The following ZNF667 variants were observed in gnomAD, a reference collection of about 807,000 sequenced individuals.
ZNF667 encodes the protein zinc finger protein 667, also known as myocardial ischemic preconditioning upregulated 1 ortholog.
Under a neutral mutation model 31.8 loss-of-function variants are expected in ZNF667, and 13 were observed. The observed-to-expected ratio is 0.41, with a 90% confidence interval of 0.27 to 0.65. ZNF667 has a LOEUF of 0.65. ZNF667 is among the 30% of genes least tolerant of loss of function. ZNF667 has a pLI of 0.32. For missense variants in ZNF667, 642 were observed against 725.6 expected (o/e 0.88, Z 1.32); for synonymous variants, 228 against 247.1 (o/e 0.92, Z 0.73).
Position 56,442,366 on chromosome 19 carries a change from T to C in ZNF667, c.629A>G (p.Asn210Ser), listed in dbSNP as rs766386271. Residue 210 changes from asparagine (N) to serine (S), a missense_variant, in exon 7 of 7, where the codon AAT (asparagine) becomes AGT (serine). By Grantham distance (46) the Asn-to-Ser change is conservative (BLOSUM62 1). Transcript: ENST00000504904. Reference sequence around the variant, plus strand: ...ATGTAGAATAAGGGTTGTTCTTTGATTGAAGCTTTCCCCACATTTATTGCA... The same window carrying C: ...ATGTAGAATAAGGGTTGTTCTTTGACTGAAGCTTTCCCCACATTTATTGCA... Reference protein sequence around the residue: ...HECNKCGESFNQRTTLILHMR... With the variant: ...HECNKCGESFSQRTTLILHMR... 3 of 1,614,098 alleles carry C rather than the reference T, an allele frequency of 1.9e-6. No homozygotes were observed. The highest frequency in any genetic ancestry group is 2.2e-5 in the South Asian group (2 of 91,076).
intron 3 of ZNF667, chr19:56,468,906 G>T (rs2043224405): frequency 6.6e-6 from 1 of 152,240 alleles, no homozygotes; most frequent in Non-Finnish European, 1.5e-5. Context: ...AGCACCTGCT[G>T]CCATGGCTTC....
chr19:56,460,693 C>T lies in ZNF667; in HGVS notation c.156G>A (p.Ser52=), dbSNP rs201925775. Residue 52 remains serine (S), a synonymous_variant, in exon 5 of 7, where the codon TCG becomes TCA. Transcript: ENST00000504904. ...VMLENYRNLV[S]LGLSFRRPNV... ...GTGGGGGACGAAGAGCCTTACCAAG[C>T]GAGACCAGGTTCCGGTAATTCTCCA... is the stretch of plus-strand genomic sequence containing the variant. 3.8e-4 allele frequency: 615 copies of T among 1,611,130 alleles called. 1 individual carries two copies. The highest frequency in any genetic ancestry group is 1.4e-3 in the East Asian group (64 of 44,662).
intron 6 of ZNF667, among the ~76,000 whole-genome samples, chr19:56,451,982 A>G (rs192310045): frequency 6.6e-6 from 1 of 152,068 alleles, no homozygotes; most frequent in Admixed American, 6.5e-5. Flanking sequence ...GAACTTTGGA[A>G]AGTATACCAA....
chr19:56,444,535 C>T (rs2042685532), intron 6 of ZNF667, among the ~76,000 whole-genome samples: 1 of 148,328 alleles, frequency 6.7e-6, no homozygotes, highest in Non-Finnish European at 1.5e-5. Context: ...AGAAATCCAC[C>T]CCCATGATCC....
At chr19:56,468,665 AT>A (rs1568453928) in intron 3 of ZNF667, 1 of 152,222 alleles carries the variant, frequency 6.6e-6, no homozygotes, top group Non-Finnish European at 1.5e-5. Flanking sequence ...TGTCTCCGAT[AT>A]TTTGGGTTCA....
chr19:56,464,976 T>C (rs944222400), intron 3 of ZNF667, among the ~76,000 whole-genome samples: 5 of 152,222 alleles, frequency 3.3e-5, no homozygotes, highest in African/African-American at 4.8e-5. Context: ...TCCCTTACTG[T>C]GGAAAGCTTG....
At chr19:56,465,269 T>C (rs1243755904) in intron 3 of ZNF667, among the ~76,000 whole-genome samples, 1 of 152,192 alleles carries the variant, frequency 6.6e-6, no homozygotes, top group Non-Finnish European at 1.5e-5. Context: ...CAGATGTTTG[T>C]TTCGTCCCCG....
intron 1 of ZNF667, among the ~76,000 whole-genome samples, chr19:56,476,442 A>T (rs2147864476): frequency 6.6e-6 from 1 of 152,172 alleles, no homozygotes; most frequent in Non-Finnish European, 1.5e-5. Context: ...ATTCACCACT[A>T]CCTCTGCCTC....
rs140014874 is a variant in ZNF667 at position 56,463,453 on chromosome 19, A to T, written c.-59-1024T>A. On this transcript the variant is annotated intron_variant, in intron 3 of 6. Coordinates refer to ENST00000504904, the MANE Select transcript of ZNF667 (RefSeq NM_001321356.2). The stretch of plus-strand genomic sequence containing the variant: ...TATCAGTCTATACCTATGCTGTCCA[A>T]TGTGAATGCCACTAGCCACATATGA... Among the ~76,000 whole-genome samples the T allele has an allele frequency of 3.3e-3, 500 of 152,320 alleles. 3 individuals carry two copies. The highest frequency in any genetic ancestry group is 0.011 in the African/African-American group (447 of 41,560).
chr19:56,443,274 T>C (rs1270772368), intron 6 of ZNF667, among the ~76,000 whole-genome samples: 1 of 152,198 alleles, frequency 6.6e-6, no homozygotes, highest in Non-Finnish European at 1.5e-5. Flanking sequence ...CTCAATAAAG[T>C]TGTAGATTTT....
chr19:56,455,405 A>G (rs1324427003), intron 6 of ZNF667, among the ~76,000 whole-genome samples: 2 of 152,228 alleles, frequency 1.3e-5, no homozygotes, highest in Admixed American at 6.5e-5. Context: ...CACAATAGCC[A>G]CATGACCATC....
At position 56,441,655 on chromosome 19, in the gene ZNF667, T is replaced by G; in HGVS notation, c.1340A>C (p.Lys447Thr). The G allele has an allele frequency of 6.2e-7, 1 of 1,614,130 alleles. No homozygotes were observed. Residue 447 changes from lysine to threonine, a missense_variant, in exon 7 of 7, where the codon AAA becomes ACA. Coordinates refer to ENST00000504904, the MANE Select transcript of ZNF667 (RefSeq NM_001321356.2). The surrounding 1 kb of genome is among the most constrained non-coding windows in gnomAD (Gnocchi z 4.2). ...HSEEKPFKCN[K>T]CSKVFGRQSF... ...TTGGCGGCCGAAAACTTTACTACAT[T>G]TATTGCATTTGAAAGGTTTCTCTTC...
At chr19:56,449,244 A>T (rs2042768657) in intron 6 of ZNF667, 1 of 426,798 alleles carries the variant, frequency 2.3e-6, no homozygotes, top group Non-Finnish European at 4.6e-6. Context: ...TAATTCATCA[A>T]TGACCAGGTA....
chr19:56,459,139 T>TA (rs1349858330), intron 5 of ZNF667, among the ~76,000 whole-genome samples: 2 of 152,158 alleles, frequency 1.3e-5, no homozygotes, highest in East Asian at 1.9e-4. Context: ...CATCTGGTGT[T>TA]AGAGTGTGCG....
At chr19:56,450,065 T>C (rs2147712727) in intron 6 of ZNF667, among the ~76,000 whole-genome samples, 2 of 152,012 alleles carry the variant, frequency 1.3e-5, no homozygotes, top group South Asian at 4.2e-4. Flanking sequence ...TATTCCGAGA[T>C]AGTAACAGAG....
intron 6 of ZNF667, among the ~76,000 whole-genome samples, chr19:56,446,132 G>A (rs2042704585): frequency 6.6e-6 from 1 of 152,200 alleles, no homozygotes; most frequent in East Asian, 1.9e-4. Context: ...TATTTCATAG[G>A]TGTGCTTTAA....
intron 3 of ZNF667, among the ~76,000 whole-genome samples, chr19:56,466,706 GAC>G (rs1278741195): frequency 6.6e-6 from 1 of 152,134 alleles, no homozygotes; most frequent in Non-Finnish European, 1.5e-5. Flanking sequence ...AAAATTTATA[GAC>G]ACACAGAACA....
At position 56,441,365 on chromosome 19, in the gene ZNF667, G is replaced by A. The variant is rs770294058; in HGVS notation, c.1630C>T (p.Leu544=). The A allele has an allele frequency of 1.9e-6, 3 of 1,613,978 alleles. No individual in the cohort carries two copies. Among genetic ancestry groups the A allele is most frequent in the Non-Finnish European group, 2.5e-6 (3 of 1,180,048 alleles). ...TCTCCAGTATGACTTCTTTCATGTA[G>A]AATAAGAGATGTGCGCTGACTAAAG... The part of the protein sequence containing the change: ...KAFSQRTSLI[L]HERSHTGEKP... Residue 544 remains leucine (L), a synonymous_variant, in exon 7 of 7, where the codon CTA becomes TTA. Coordinates refer to ENST00000504904, the MANE Select transcript of ZNF667 (RefSeq NM_001321356.2). The surrounding 1 kb of genome is among the most constrained non-coding windows in gnomAD (Gnocchi z 4.2).
At chr19:56,448,590 G>A (rs2042754201) in intron 6 of ZNF667, among the ~76,000 whole-genome samples, 1 of 151,590 alleles carries the variant, frequency 6.6e-6, no homozygotes, top group Non-Finnish European at 1.5e-5. Context: ...GGAGAGGGAA[G>A]AGTAAAGAGG....
Sources: allele counts gnomAD v4.1 joint callset (sites outside exome capture counted in the v4.1 genomes callset), GRCh38; gene constraint gnomAD v4.1.1; non-coding constraint Gnocchi (gnomAD v3.1); transcripts MANE v1.5; gene names NCBI Gene and HGNC (gene_info 2026-07-23, HGNC 2026-07-21).